Variants in SLF1 observed in about 807,000 individuals in gnomAD.
SLF1 encodes SMC5/6 complex localization factor 1.
A neutral mutation model predicts 123.0 loss-of-function variants in SLF1; 105 were observed. That is an observed-to-expected ratio of 0.85 (90% confidence interval 0.73 to 1.00). The LOEUF is 1.00. Among genes scored for constraint, SLF1 ranks in the 50% least tolerant of loss-of-function variants. The pLI is 0.00. For missense variants in SLF1, 1,239 were observed against 1,223.0 expected, an observed-to-expected ratio of 1.01 and a Z score of -0.20; for synonymous variants, 434 against 406.6, an observed-to-expected ratio of 1.07 and a Z score of -0.81.
At chr5:94,658,699 C>G (rs184391016) in intron 9 of SLF1, among the ~76,000 whole-genome samples, 3 of 152,152 alleles carry the variant, frequency 2.0e-5, no homozygotes, top group Admixed American at 1.3e-4. Context: ...GGGACGTTTT[C>G]AGCTATTGTT....
chr5:94,625,073 G>A (rs889312583), intron 1 of SLF1, among the ~76,000 whole-genome samples: 17 of 151,588 alleles, frequency 1.1e-4, no homozygotes, highest in South Asian at 4.2e-4. Context: ...GGTGCCTGTA[G>A]TCCCAGCTAC....
At chr5:94,671,996 A>G (rs930531301) in intron 14 of SLF1, among the ~76,000 whole-genome samples, 3 of 152,048 alleles carry the variant, frequency 2.0e-5, no homozygotes, top group Admixed American at 1.3e-4. Context: ...AATTTACTGA[A>G]GTTCTCTTTT....
chr5:94,686,435 G>T, intron 15 of SLF1, 138 bp from the exon 16 acceptor site: 2 of 905,366 alleles, frequency 2.2e-6, no homozygotes, highest in South Asian at 1.8e-5. Context: ...TATTTTTTGT[G>T]GATTAAAATC....
At position 94,678,874 on chromosome 5, in the gene SLF1, T is replaced by A; in HGVS notation, c.1894T>A (p.Phe632Ile). The A allele has an allele frequency of 1.2e-6, 2 of 1,613,856 alleles. No homozygotes were observed. Among genetic ancestry groups the A allele is most frequent in the Admixed American group, 1.7e-5 (1 of 60,034 alleles). Residue 632 changes from phenylalanine to isoleucine, a missense_variant, in exon 15 of 21, where the codon TTC becomes ATC. Transcript: ENST00000265140. ...ILGAAIDYWIFLGLKMGRNVM... is the reference protein window; with the variant it reads ...ILGAAIDYWIILGLKMGRNVM... Reference sequence around the variant, plus strand: ...TGGAGCAGCAATAGATTATTGGATTTTCCTTGGTCTTAAGATGGGTAGAAA... The same window carrying A: ...TGGAGCAGCAATAGATTATTGGATTATCCTTGGTCTTAAGATGGGTAGAAA...
intron 4 of SLF1, among the ~76,000 whole-genome samples, chr5:94,631,603 C>T (rs1745202253): frequency 6.6e-6 from 1 of 152,126 alleles, no homozygotes; most frequent in South Asian, 2.1e-4. Context: ...CTTTTTGTTG[C>T]TGAGTAGTAG....
intron 15 of SLF1, among the ~76,000 whole-genome samples, chr5:94,681,722 C>T (rs1346961554): frequency 6.6e-6 from 1 of 150,746 alleles, no homozygotes; most frequent in Admixed American, 6.6e-5. Flanking sequence ...TGTTCAGTTC[C>T]CACCTATGAG....
rs888067154 is a variant in SLF1, at chr5:94,666,811, A to G, written c.1532+787A>G. On this transcript the variant is annotated intron_variant, in intron 12 of 20. Coordinates refer to ENST00000265140, the MANE Select transcript of SLF1 (RefSeq NM_032290.4). The stretch of plus-strand genomic sequence containing the variant: ...GCCTCCACGTCCAGCTAATTTTTGT[A>G]TTTTTTCATTTTTAGTAGAGATGGG... Among the ~76,000 whole-genome samples, 37 of 151,578 alleles carry G rather than the reference A, an allele frequency of 2.4e-4. No homozygotes were observed. The East Asian group carries it at 6.4e-3, about 26-fold the overall frequency.
intron 9 of SLF1, among the ~76,000 whole-genome samples, chr5:94,658,353 A>G (rs1392632592): frequency 2.0e-5 from 3 of 151,804 alleles, no homozygotes; most frequent in Non-Finnish European, 4.4e-5. Context: ...TTGCTTGTCC[A>G]GGAAATACTT....
At chr5:94,649,628 T>C in intron 6 of SLF1, 31 bp downstream of exon 6, 1 of 1,423,814 alleles carries the variant, frequency 7.0e-7, no homozygotes, top group Non-Finnish European at 9.3e-7. Context: ...AACATACATT[T>C]CTGATGTTTC....
intron 12 of SLF1, 72 bp downstream of exon 12, chr5:94,666,096 C>CTTCTT: frequency 2.3e-6 from 3 of 1,325,316 alleles, no homozygotes; most frequent in Non-Finnish European, 3.0e-6. Flanking sequence ...TTTTAAGATA[C>CTTCTT]TGATGAAAGA....
chr5:94,667,487 A>G (rs982844792), intron 12 of SLF1, among the ~76,000 whole-genome samples: 1 of 152,090 alleles, frequency 6.6e-6, no homozygotes, highest in African/African-American at 2.4e-5. Context: ...TTTCTTCCAA[A>G]GTACCCCCCC....
At chr5:94,652,628 T>C (rs927183011) in intron 7 of SLF1, among the ~76,000 whole-genome samples, 2 of 152,222 alleles carry the variant, frequency 1.3e-5, no homozygotes, top group African/African-American at 4.8e-5. Flanking sequence ...TTTGCAATTA[T>C]GAACAATTCT....
intron 4 of SLF1, among the ~76,000 whole-genome samples, chr5:94,632,988 C>T (rs1745370426): frequency 2.6e-5 from 4 of 151,664 alleles, no homozygotes. Flanking sequence ...CGCGCCCGAC[C>T]TTTATTTTTT....
chr5:94,670,746 C>A (rs1009013339), intron 13 of SLF1, 97 bp from the exon 14 acceptor site: 16 of 858,514 alleles, frequency 1.9e-5, no homozygotes, highest in Non-Finnish European at 2.7e-5. Context: ...GATCTATGTT[C>A]AAAAATTGCT....
intron 14 of SLF1, among the ~76,000 whole-genome samples, chr5:94,676,963 G>T (rs1205583851): frequency 6.6e-6 from 1 of 152,162 alleles, no homozygotes; most frequent in Non-Finnish European, 1.5e-5. Context: ...GTCACTGAGG[G>T]TTCAGAGTGC....
intron 14 of SLF1, among the ~76,000 whole-genome samples, chr5:94,674,108 T>G (rs1421144152): frequency 5.9e-5 from 9 of 152,220 alleles, no homozygotes; most frequent in Admixed American, 5.9e-4. Flanking sequence ...TTATTTACTT[T>G]TTATACAATG....
intron 4 of SLF1, among the ~76,000 whole-genome samples, chr5:94,636,990 G>T (rs1056016139): frequency 1.3e-5 from 2 of 152,140 alleles, no homozygotes; most frequent in Non-Finnish European, 2.9e-5. Context: ...AAAGTGCTGA[G>T]ATTACAGGCA....
intron 4 of SLF1, among the ~76,000 whole-genome samples, chr5:94,635,493 T>C (rs1304432851): frequency 6.6e-6 from 1 of 152,042 alleles, no homozygotes; most frequent in African/African-American, 2.4e-5. Context: ...TTGATTTGTA[T>C]ATACTGTGTT....
At chr5:94,686,821 T>C (rs922164450) in intron 16 of SLF1, 103 bp downstream of exon 16, 5 of 1,323,866 alleles carry the variant, frequency 3.8e-6, no homozygotes, top group Admixed American at 2.5e-5. Flanking sequence ...GGAGGCTTGC[T>C]CTGTCGCCCA....
Sources: gnomAD v4.1 joint callset for allele counts (sites outside exome capture counted in the v4.1 genomes callset) on GRCh38, gnomAD v4.1.1 for gene constraint, MANE v1.5 for transcripts, NCBI Gene and HGNC (gene_info 2026-07-23, HGNC 2026-07-21) for gene names.